BRD10: variants seen among roughly 807,000 people sequenced by gnomAD.
BRD10 encodes the protein uncharacterized bromodomain-containing protein 10.
At chr9:5,901,280 G>T in the BRD10 span, among the ~76,000 whole-genome samples, 1 of 152,174 alleles carries the variant, frequency 6.6e-6, no homozygotes, top group Non-Finnish European at 1.5e-5. Flanking sequence ...TGGTGAGACA[G>T]GACATCCTTG....
the BRD10 span, among the ~76,000 whole-genome samples, chr9:5,953,177 G>T: frequency 6.6e-6 from 1 of 151,904 alleles, no homozygotes; most frequent in Admixed American, 6.6e-5. Context: ...CATAGCTATT[G>T]TCCCTTTATT....
the BRD10 span, among the ~76,000 whole-genome samples, chr9:5,999,432 G>A: frequency 2.0e-5 from 3 of 152,128 alleles, no homozygotes; most frequent in African/African-American, 4.8e-5. Flanking sequence ...TTTTAACTCG[G>A]AAGTCAAGAA....
At chr9:5,917,697 C>T in the BRD10 span, among the ~76,000 whole-genome samples, 1 of 152,114 alleles carries the variant, frequency 6.6e-6, no homozygotes, top group Non-Finnish European at 1.5e-5. Context: ...ACTAAAAATA[C>T]AAAAATTATC....
the BRD10 span, chr9:5,968,587 A>G: frequency 3.1e-6 from 5 of 1,613,836 alleles, no homozygotes. Flanking sequence ...TTTTAGCAGG[A>G]CAGCAAGCTG....
the BRD10 span, among the ~76,000 whole-genome samples, chr9:5,955,807 C>A: frequency 1.3e-5 from 2 of 152,088 alleles, no homozygotes. Context: ...AAGTATACTC[C>A]TACAAAGATA....
chr9:5,981,164 T>C, the BRD10 span, among the ~76,000 whole-genome samples: 6 of 152,234 alleles, frequency 3.9e-5, no homozygotes, highest in African/African-American at 1.4e-4. Context: ...AGTCTTCCCT[T>C]GGGTTCATCA....
At chr9:5,925,268 A>G in the BRD10 span, among the ~76,000 whole-genome samples, 1 of 151,666 alleles carries the variant, frequency 6.6e-6, no homozygotes, top group Non-Finnish European at 1.5e-5. Flanking sequence ...CTGAGGGACG[A>G]GAACTGCTTG....
chr9:5,918,087 C>G, the BRD10 span, among the ~76,000 whole-genome samples: 2 of 152,196 alleles, frequency 1.3e-5, no homozygotes, highest in Non-Finnish European at 2.9e-5. Flanking sequence ...TTCCCCAGGG[C>G]TTTCTTAACT....
chr9:5,997,516 T>C, the BRD10 span, among the ~76,000 whole-genome samples: 1 of 152,062 alleles, frequency 6.6e-6, no homozygotes, highest in Non-Finnish European at 1.5e-5. Flanking sequence ...TAAAGTTTAA[T>C]ATCAGAAGAT....
chr9:5,909,002 T>C, the BRD10 span: 1 of 366,980 alleles, frequency 2.7e-6, no homozygotes, highest in Admixed American at 4.3e-5. Context: ...AGAGACAGAA[T>C]TCAAGTGGGT....
At chr9:6,003,374 G>T in the BRD10 span, among the ~76,000 whole-genome samples, 1 of 151,986 alleles carries the variant, frequency 6.6e-6, no homozygotes, top group Non-Finnish European at 1.5e-5. Flanking sequence ...AATATTTGAC[G>T]TTCTCTAAAG....
the BRD10 span, chr9:5,924,827 G>A: frequency 6.6e-7 from 1 of 1,505,016 alleles, no homozygotes. Context: ...AATCATCATA[G>A]TCTTTCTTCA....
the BRD10 span, chr9:5,906,986 C>T: frequency 1.3e-6 from 2 of 1,592,868 alleles, no homozygotes; most frequent in African/African-American, 2.7e-5. Flanking sequence ...AAGAGAAAAA[C>T]TGTGAACCTG....
the BRD10 span, chr9:5,922,152 C>T: frequency 1.2e-6 from 2 of 1,613,980 alleles, no homozygotes; most frequent in Non-Finnish European, 8.5e-7. Context: ...CGTGTCCTAA[C>T]AAGAATTGAC....
At chr9:5,940,198 T>C in the BRD10 span, among the ~76,000 whole-genome samples, 2 of 152,308 alleles carry the variant, frequency 1.3e-5, no homozygotes, top group African/African-American at 4.8e-5. Flanking sequence ...TGTTTTGAGA[T>C]AGTCTTGCTC....
At chr9:5,929,237 C>T in the BRD10 span, 1 of 743,100 alleles carries the variant, frequency 1.3e-6, no homozygotes, top group Non-Finnish European at 2.3e-6. Context: ...GAGTAAAATA[C>T]AAAAACACCA....
chr9:5,888,194 G>A, the BRD10 span, among the ~76,000 whole-genome samples: 3 of 152,136 alleles, frequency 2.0e-5, no homozygotes, highest in African/African-American at 7.2e-5. Flanking sequence ...CAATGGCTAT[G>A]GAGAGCTGGT....
At chr9:5,910,322 A>G in the BRD10 span, 1 of 152,244 alleles carries the variant, frequency 6.6e-6, no homozygotes, top group South Asian at 2.1e-4. Context: ...CAAAGGGGAA[A>G]AAGAAAACAC....
At chr9:5,907,622 C>T in the BRD10 span, among the ~76,000 whole-genome samples, 46 of 152,224 alleles carry the variant, frequency 3.0e-4, no homozygotes, top group South Asian at 8.9e-3. Context: ...ATTAATTTTA[C>T]ATGTTTCTTC....
Sources: allele counts gnomAD v4.1 joint callset (sites outside exome capture counted in the v4.1 genomes callset), GRCh38; gene constraint gnomAD v4.1.1; transcripts MANE v1.5; gene names NCBI Gene and HGNC (gene_info 2026-07-23, HGNC 2026-07-21).